The following STK32B variants were observed in gnomAD, a reference collection of about 807,000 sequenced individuals.
The protein encoded by STK32B is serine/threonine-protein kinase 32B.
STK32B carries 43 observed loss-of-function variants against 52.6 expected under a neutral mutation model. The observed-to-expected ratio is 0.82, with a 90% CI of 0.64 to 1.05. The LOEUF is 1.05. Among genes scored for constraint, STK32B ranks in the 50% least tolerant of loss-of-function variants. The pLI is 0.00. For synonymous variants in STK32B, 238 were observed against 204.3 expected (o/e 1.17, Z -1.41); for missense variants, 621 against 534.6 (o/e 1.16, Z -1.59).
At chr4:5,136,240 T>A (rs1264084214) in intron 1 of STK32B, among the ~76,000 whole-genome samples, 2 of 152,226 alleles carry the variant, frequency 1.3e-5, no homozygotes, top group Non-Finnish European at 2.9e-5. Flanking sequence ...GCCAATGTGT[T>A]GTTCCATTGT....
At chr4:5,447,328 C>G (rs941685230) in intron 7 of STK32B, 2 of 152,992 alleles carry the variant, frequency 1.3e-5, no homozygotes, top group Non-Finnish European at 1.5e-5. Context: ...TTTGTTTGAG[C>G]AGAAAGTATT....
chr4:5,170,721 T>G (rs1389232784), intron 3 of STK32B, among the ~76,000 whole-genome samples: 1 of 152,204 alleles, frequency 6.6e-6, no homozygotes, highest in Admixed American at 6.6e-5. Flanking sequence ...GTTGGACATT[T>G]GGGTTGGTTC....
chr4:5,425,456 CCATTCATT>C (rs35251788), intron 6 of STK32B, among the ~76,000 whole-genome samples: 2 of 151,574 alleles, frequency 1.3e-5, no homozygotes, highest in Non-Finnish European at 2.9e-5. Flanking sequence ...TTCCTGAGAA[CCATTCATT>C]CATTCATTCA....
chr4:5,164,965 C>G (rs534468082), intron 2 of STK32B, among the ~76,000 whole-genome samples: 1 of 152,318 alleles, frequency 6.6e-6, no homozygotes, highest in East Asian at 1.9e-4. Flanking sequence ...AGTGAGGAAG[C>G]AAGTCCAGAG....
At chr4:5,168,984 A>G (rs1053932365) in intron 3 of STK32B, among the ~76,000 whole-genome samples, 8 of 152,200 alleles carry the variant, frequency 5.3e-5, no homozygotes, top group African/African-American at 1.7e-4. Flanking sequence ...TCCTAGAAAC[A>G]CATCCTGTTG....
At chr4:5,090,883 A>G (rs1286673726) in intron 1 of STK32B, among the ~76,000 whole-genome samples, 2 of 152,178 alleles carry the variant, frequency 1.3e-5, no homozygotes, top group Admixed American at 1.3e-4. Flanking sequence ...TATGAAATGG[A>G]CAAATTTCTA....
intron 1 of STK32B, among the ~76,000 whole-genome samples, chr4:5,088,534 C>A (rs953737825): frequency 3.3e-5 from 5 of 151,868 alleles, no homozygotes; most frequent in Non-Finnish European, 7.4e-5. Context: ...ATTATTAATA[C>A]CTAGTATTTG....
chr4:5,327,320 A>G (rs1445537893), intron 3 of STK32B, among the ~76,000 whole-genome samples: 1 of 150,460 alleles, frequency 6.6e-6, no homozygotes, highest in African/African-American at 2.4e-5. Context: ...ACAATCTAGT[A>G]TGGCGAATCC....
chr4:5,120,029 G>T (rs370723552), intron 1 of STK32B, among the ~76,000 whole-genome samples: 3 of 152,276 alleles, frequency 2.0e-5, no homozygotes, highest in East Asian at 1.9e-4. Context: ...TTTCAGAAAT[G>T]AACAATTTTT....
rs758630769 is a variant in STK32B, at chr4:5,446,664, C to T, written c.563-9C>T. On this transcript the variant is annotated splice_polypyrimidine_tract_variant and intron_variant, in intron 6 of 11. Coordinates refer to ENST00000282908, the MANE Select transcript of STK32B (RefSeq NM_018401.3). ...CACAATGATGTTCTCCTTGTCCTCT[C>T]GTTGGCAGCTCCAGAAGTATTCCAG... 8 of 1,613,376 alleles carry T rather than the reference C, an allele frequency of 5.0e-6. No homozygotes were observed. The highest frequency in any genetic ancestry group is 3.3e-5 in the Admixed American group (2 of 60,006).
chr4:5,039,097 C>A, the STK32B span, among the ~76,000 whole-genome samples: 1 of 151,390 alleles, frequency 6.6e-6, no homozygotes, highest in African/African-American at 2.4e-5. Flanking sequence ...AGTAATCTTC[C>A]CACTTCAGCC....
intron 3 of STK32B, among the ~76,000 whole-genome samples, chr4:5,227,422 T>A (rs947794126): frequency 6.6e-6 from 1 of 152,348 alleles, no homozygotes; most frequent in Admixed American, 6.5e-5. Context: ...ATAAGATTTT[T>A]AAAATTTAAT....
At chr4:5,155,868 G>T (rs571425138) in intron 2 of STK32B, among the ~76,000 whole-genome samples, 1 of 152,162 alleles carries the variant, frequency 6.6e-6, no homozygotes, top group East Asian at 1.9e-4. Flanking sequence ...TATCTTTATA[G>T]CAGTGTGAGA....
At chr4:5,360,541 G>C (rs567454003) in intron 4 of STK32B, among the ~76,000 whole-genome samples, 3 of 152,294 alleles carry the variant, frequency 2.0e-5, no homozygotes, top group African/African-American at 7.2e-5. Context: ...GATAATTGGA[G>C]ATGTGGGGTG....
chr4:5,022,915 C>A, the STK32B span, among the ~76,000 whole-genome samples: 1 of 152,022 alleles, frequency 6.6e-6, no homozygotes, highest in Non-Finnish European at 1.5e-5. Context: ...TTCTGGAGCC[C>A]CTAACCCATC....
chr4:5,128,833 G>T (rs916959679), intron 1 of STK32B, among the ~76,000 whole-genome samples: 1 of 152,222 alleles, frequency 6.6e-6, no homozygotes, highest in Admixed American at 6.5e-5. Flanking sequence ...AGGTGAGAAA[G>T]GGAAGCTGTG....
intron 3 of STK32B, among the ~76,000 whole-genome samples, chr4:5,208,067 G>A (rs1345307787): frequency 6.6e-6 from 1 of 152,084 alleles, no homozygotes; most frequent in African/African-American, 2.4e-5. Flanking sequence ...AAGAACAGAG[G>A]TCTCTTTCTT....
At chr4:5,485,086 G>A (rs942544078) in intron 11 of STK32B, among the ~76,000 whole-genome samples, 4 of 151,874 alleles carry the variant, frequency 2.6e-5, no homozygotes, top group Admixed American at 1.3e-4. Context: ...CTCTTCTCGT[G>A]GAGTATCTTG....
At chr4:5,132,311 CACATGG>C (rs911515818) in intron 1 of STK32B, among the ~76,000 whole-genome samples, 4 of 151,938 alleles carry the variant, frequency 2.6e-5, no homozygotes, top group African/African-American at 9.7e-5. Context: ...ACAATAAAAA[CACATGG>C]ACATAAAGAG....
Sources: gnomAD v4.1 joint callset for allele counts (sites outside exome capture counted in the v4.1 genomes callset) on GRCh38, gnomAD v4.1.1 for gene constraint, MANE v1.5 for transcripts, NCBI Gene and HGNC (gene_info 2026-07-23, HGNC 2026-07-21) for gene names.